Variants in ERBB4 observed in about 807,000 individuals in gnomAD.
ERBB4 encodes receptor tyrosine-protein kinase erbB-4.
A neutral mutation model predicts 158.0 loss-of-function variants in ERBB4; 42 were observed. The observed-to-expected ratio is 0.27, with a 90% CI of 0.21 to 0.34. The LOEUF (loss-of-function observed/expected upper bound fraction) is 0.34, where lower values mean the gene tolerates loss of function less well. Among genes scored for constraint, ERBB4 ranks in the 10% least tolerant of loss-of-function variants. The probability of loss-of-function intolerance (pLI) is 1.00; values close to 1 mark genes in which losing one functional copy is unlikely to be tolerated. For missense variants in ERBB4, 1,333 were observed against 1,624.1 expected, an observed-to-expected ratio of 0.82 and a Z score of 3.08; for synonymous variants, 583 against 558.7, an observed-to-expected ratio of 1.04 and a Z score of -0.61.
chr2:211,672,726 G>T (rs931339512), intron 14 of ERBB4, among the ~76,000 whole-genome samples: 1 of 152,114 alleles, frequency 6.6e-6, no homozygotes. Flanking sequence ...CTTCTTTCCA[G>T]ATTATTCTTC....
chr2:211,752,501 AAAAAG>A (rs201649864), intron 4 of ERBB4, among the ~76,000 whole-genome samples: 241 of 143,310 alleles, frequency 1.7e-3, no homozygotes, highest in East Asian at 2.6e-3. Flanking sequence ...GAAAAAAAAA[AAAAAG>A]AAAAGAAAAG....
chr2:211,885,857 A>G (rs1013981376), intron 3 of ERBB4, among the ~76,000 whole-genome samples: 2 of 152,184 alleles, frequency 1.3e-5, no homozygotes, highest in Non-Finnish European at 2.9e-5. Flanking sequence ...TTAGTCTTTA[A>G]GTTTCATGTT....
intron 2 of ERBB4, among the ~76,000 whole-genome samples, chr2:212,062,649 C>T (rs1375555246): frequency 1.3e-5 from 2 of 151,992 alleles, no homozygotes; most frequent in Admixed American, 6.6e-5. Flanking sequence ...TCATGATCTG[C>T]CCGCCTTGGC....
At chr2:212,362,783 C>T (rs2089738071) in intron 1 of ERBB4, among the ~76,000 whole-genome samples, 1 of 150,972 alleles carries the variant, frequency 6.6e-6, no homozygotes, top group Non-Finnish European at 1.5e-5. Flanking sequence ...ATTTAAAACA[C>T]ATATACAATT....
At chr2:211,601,465 C>T (rs1371688765) in intron 19 of ERBB4, among the ~76,000 whole-genome samples, 1 of 151,776 alleles carries the variant, frequency 6.6e-6, no homozygotes, top group African/African-American at 2.4e-5. Context: ...TTCAAAGCAT[C>T]CCTCAAGAGC....
intron 1 of ERBB4, among the ~76,000 whole-genome samples, chr2:212,250,857 T>C (rs2084505665): frequency 6.6e-6 from 1 of 151,912 alleles, no homozygotes; most frequent in African/African-American, 2.4e-5. Context: ...CCTGCTCCCC[T>C]GTTTTCTTAT....
intron 1 of ERBB4, among the ~76,000 whole-genome samples, chr2:212,448,663 C>G (rs2092400147): frequency 6.6e-6 from 1 of 151,968 alleles, no homozygotes; most frequent in African/African-American, 2.4e-5. Context: ...ATACTGCATC[C>G]TAGGAGAAAC....
chr2:212,373,963 CATATATATCCAT>C (rs1560147405), intron 1 of ERBB4, among the ~76,000 whole-genome samples: 7 of 101,080 alleles, frequency 6.9e-5, no homozygotes, highest in African/African-American at 1.9e-4. Context: ...TATATATATC[CATATATATCCAT>C]ATATATATAT....
intron 20 of ERBB4, among the ~76,000 whole-genome samples, chr2:211,532,802 C>A (rs1459925077): frequency 6.6e-6 from 1 of 151,874 alleles, no homozygotes; most frequent in Non-Finnish European, 1.5e-5. Flanking sequence ...AATAAGAAAC[C>A]ACCCACGTAA....
intron 20 of ERBB4, among the ~76,000 whole-genome samples, chr2:211,538,005 TG>T (rs1029440955): frequency 2.0e-5 from 3 of 151,926 alleles, no homozygotes; most frequent in African/African-American, 7.2e-5. Flanking sequence ...GACAATAATT[TG>T]AGGCCAACAG....
chr2:211,673,305 A>G (rs2071917800), intron 13 of ERBB4, 48 bp from the exon 14 acceptor site: 2 of 1,361,904 alleles, frequency 1.5e-6, no homozygotes, highest in Non-Finnish European at 1.1e-6. Context: ...ACAAGCGTCA[A>G]CTTAACAAAT....
intron 22 of ERBB4, among the ~76,000 whole-genome samples, chr2:211,426,686 G>GGAGAC (rs2063635927): frequency 1.3e-5 from 2 of 151,366 alleles, no homozygotes; most frequent in Admixed American, 6.6e-5. Flanking sequence ...TTTGCCTTCA[G>GGAGAC]GAGACTGCCT....
At position 212,373,942 on chromosome 2, in the gene ERBB4, TATATATATC is replaced by T. The variant is rs1239865129; in HGVS notation, c.82+164498_82+164506del. The stretch of plus-strand genomic sequence containing the variant: ...ATATATATATATCCATATATATCCA[TATATATATC>T]ATATATATATCCATATATATCCATA... On this transcript the variant is annotated intron_variant, in intron 1 of 27. Transcript: ENST00000342788. 2.0e-4 allele frequency among the ~76,000 whole-genome samples: 16 copies of T among 81,184 alleles called. 1 individual carries two copies. The highest frequency in any genetic ancestry group is 2.8e-4 in the African/African-American group (4 of 14,128). The allele number at this position is 81,184 out of a possible 152,430, so 53.3% of individuals were successfully genotyped here.
intron 4 of ERBB4, among the ~76,000 whole-genome samples, chr2:211,753,565 A>G (rs1371713925): frequency 1.3e-5 from 2 of 151,944 alleles, no homozygotes; most frequent in Admixed American, 1.3e-4. Flanking sequence ...CCAGGAAAGA[A>G]GAGTTGGATG....
chr2:211,809,226 C>T lies in ERBB4; in HGVS notation c.422-21067G>A, dbSNP rs148321622. On this transcript the variant is annotated intron_variant, in intron 3 of 27. Coordinates refer to ENST00000342788, the MANE Select transcript of ERBB4 (RefSeq NM_005235.3). ...CATAAAATGAATTAGGGAGGATTCC[C>T]TCTTTTTCTATTGATTGGAATAGTT... Among the ~76,000 whole-genome samples, 893 of 152,268 alleles carry T rather than the reference C, an allele frequency of 5.9e-3. 4 individuals are homozygous for T. The highest frequency in any genetic ancestry group is 0.01 in the Non-Finnish European group (682 of 68,004).
intron 1 of ERBB4, among the ~76,000 whole-genome samples, chr2:212,266,361 C>T (rs1182052085): frequency 6.6e-6 from 1 of 151,972 alleles, no homozygotes; most frequent in East Asian, 1.9e-4. Flanking sequence ...GAAAATCATT[C>T]TATGAGGAAA....
intron 5 of ERBB4, among the ~76,000 whole-genome samples, chr2:211,731,837 T>A (rs138868472): frequency 1.3e-5 from 2 of 152,248 alleles, no homozygotes; most frequent in Non-Finnish European, 2.9e-5. Context: ...TCAATGAAAC[T>A]AATGCCAAAC....
chr2:211,943,925 G>GTATAATGACAGT (rs1362314031), intron 3 of ERBB4, among the ~76,000 whole-genome samples: 1 of 151,464 alleles, frequency 6.6e-6, no homozygotes, highest in Non-Finnish European at 1.5e-5. Context: ...ATTAGCTAGT[G>GTATAATGACAGT]TATAATGACA....
chr2:211,862,229 A>T (rs1428351856), intron 3 of ERBB4, among the ~76,000 whole-genome samples: 2 of 152,158 alleles, frequency 1.3e-5, no homozygotes, highest in African/African-American at 4.8e-5. Context: ...AATTTTTAAC[A>T]TATTTATCGG....
Sources: gnomAD v4.1 joint callset for allele counts (sites outside exome capture counted in the v4.1 genomes callset) on GRCh38, gnomAD v4.1.1 for gene constraint, MANE v1.5 for transcripts, NCBI Gene and HGNC (gene_info 2026-07-23, HGNC 2026-07-21) for gene names.